FHIT: variants seen among roughly 807,000 people sequenced by gnomAD.
FHIT encodes the protein bis(5'-adenosyl)-triphosphatase.
In FHIT, 19 loss-of-function variants were observed where a neutral mutation model predicts 17.9. The observed-to-expected ratio is 1.06, with a 90% CI of 0.74 to 1.56. The LOEUF (loss-of-function observed/expected upper bound fraction) is 1.56, where lower values mean the gene tolerates loss of function less well. Ranked by LOEUF, FHIT falls within the 40% of genes most tolerant of loss-of-function variation. The probability of loss-of-function intolerance (pLI) is 0.00; values close to 1 mark genes in which losing one functional copy is unlikely to be tolerated. For synonymous variants in FHIT, 81 were observed against 69.7 expected (o/e 1.16, Z -0.81); for missense variants, 248 against 189.2 (o/e 1.31, Z -1.82).
chr3:60,248,226 AC>A (rs533881911), intron 5 of FHIT, among the ~76,000 whole-genome samples: 586 of 152,274 alleles, frequency 3.8e-3, no homozygotes, highest in Non-Finnish European at 6.2e-3. Context: ...TGGTACAAAA[AC>A]CTTCAAAAGC....
chr3:60,162,106 T>A (rs1700965767), intron 5 of FHIT, among the ~76,000 whole-genome samples: 1 of 152,086 alleles, frequency 6.6e-6, no homozygotes, highest in Non-Finnish European at 1.5e-5. Flanking sequence ...TCCAGCTCTG[T>A]GAGGAGACAG....
chr3:60,493,916 AT>A (rs2034177006), intron 5 of FHIT, among the ~76,000 whole-genome samples: 1 of 152,096 alleles, frequency 6.6e-6, no homozygotes, highest in Non-Finnish European at 1.5e-5. Context: ...CTCAGAAAAA[AT>A]CATTTTGGTT....
At chr3:60,242,218 TTAAA>T (rs1295233173) in intron 5 of FHIT, among the ~76,000 whole-genome samples, 1 of 152,172 alleles carries the variant, frequency 6.6e-6, no homozygotes, top group African/African-American at 2.4e-5. Flanking sequence ...TCACATGGTA[TTAAA>T]TAGATTTTTA....
rs926914476 is a variant in FHIT at position 60,582,035 on chromosome 3, G to A, written c.-17-45056C>T. On this transcript the variant is annotated intron_variant, in intron 4 of 9. Transcript: ENST00000492590. ...TTACTTTGTTTAAAAAAACAAAAGT[G>A]TGCTTCAAAACCTAAGGGTCTGAAG... Among the ~76,000 whole-genome samples, 14 of 152,134 alleles carry A rather than the reference G, an allele frequency of 9.2e-5. 1 individual carries two copies. Among genetic ancestry groups the A allele is most frequent in the Middle Eastern group, 6.8e-3 (2 of 294 alleles).
At chr3:61,010,874 G>T (rs2031750595) in intron 3 of FHIT, among the ~76,000 whole-genome samples, 2 of 152,106 alleles carry the variant, frequency 1.3e-5, no homozygotes, top group African/African-American at 4.8e-5. Context: ...GTAAGAGTCA[G>T]AAAAAATATA....
intron 2 of FHIT, among the ~76,000 whole-genome samples, chr3:61,179,008 CTTTTT>C (rs778191387): frequency 3.1e-5 from 4 of 127,620 alleles, no homozygotes; most frequent in African/African-American, 1.2e-4. Flanking sequence ...TTTTCTTTTT[CTTTTT>C]TTTTTTTTTT....
At chr3:60,131,182 T>G (rs1258612756) in intron 5 of FHIT, among the ~76,000 whole-genome samples, 1 of 66 alleles carries the variant, frequency 0.015, no homozygotes, top group African/African-American at 0.042. Flanking sequence ...TTCCCTGATA[T>G]GAATGGTATA....
At chr3:60,564,774 T>C (rs2037074089) in intron 4 of FHIT, among the ~76,000 whole-genome samples, 1 of 152,172 alleles carries the variant, frequency 6.6e-6, no homozygotes, top group Non-Finnish European at 1.5e-5. Flanking sequence ...TTTCTTGAGA[T>C]GAAATCAACT....
intron 1 of FHIT, among the ~76,000 whole-genome samples, chr3:61,207,856 G>C (rs945196385): frequency 6.6e-6 from 1 of 152,088 alleles, no homozygotes; most frequent in African/African-American, 2.4e-5. Flanking sequence ...CTTGCCTTCT[G>C]CTAGTGTTGA....
intron 2 of FHIT, among the ~76,000 whole-genome samples, chr3:61,096,761 T>C (rs556522984): frequency 1.3e-4 from 20 of 152,256 alleles, no homozygotes; most frequent in Admixed American, 1.0e-3. Flanking sequence ...CCAGATGCCA[T>C]CTTTTTCTAA....
intron 2 of FHIT, among the ~76,000 whole-genome samples, chr3:61,132,415 G>C (rs903652019): frequency 6.6e-6 from 1 of 152,202 alleles, no homozygotes; most frequent in East Asian, 1.9e-4. Flanking sequence ...TGGGAAGGAA[G>C]AGATGAGCAC....
intron 4 of FHIT, among the ~76,000 whole-genome samples, chr3:60,679,359 T>G (rs2040694741): frequency 6.6e-6 from 1 of 152,174 alleles, no homozygotes; most frequent in East Asian, 1.9e-4. Flanking sequence ...TGCACCTAAT[T>G]TGAGAATTAC....
chr3:60,966,440 A>T lies in FHIT; in HGVS notation c.-111+75607T>A, dbSNP rs141962806. Among the ~76,000 whole-genome samples, 60 of 152,292 alleles carry T rather than the reference A, an allele frequency of 3.9e-4. 1 individual carries two copies. The Middle Eastern group carries it at 0.024, about 60-fold the overall frequency. ...GGCTCATGCTCCGTGGGCTGCACCC[A>T]CTGTCCGACAAGCCCCAGTGAGATG... On this transcript the variant is annotated intron_variant, in intron 3 of 9. Transcript: ENST00000492590.
At position 61,039,707 on chromosome 3, in the gene FHIT, G is replaced by A. The variant is rs575620269; in HGVS notation, c.-111+2340C>T. 1.1e-4 allele frequency among the ~76,000 whole-genome samples: 17 copies of A among 152,230 alleles called. 1 individual carries two copies. The highest frequency in any genetic ancestry group is 1.0e-3 in the Admixed American group (16 of 15,284). ...ATCACATACCGGGGCCTATTTGAGGGGTAGGAGTCTGCGGGGGTTAGCATT... is the reference window on the plus strand; with the variant it reads ...ATCACATACCGGGGCCTATTTGAGGAGTAGGAGTCTGCGGGGGTTAGCATT... On this transcript the variant is annotated intron_variant, in intron 3 of 9. Transcript: ENST00000492590.
At chr3:60,665,117 T>TA (rs1394659324) in intron 4 of FHIT, among the ~76,000 whole-genome samples, 6 of 152,044 alleles carry the variant, frequency 3.9e-5, no homozygotes, top group African/African-American at 1.4e-4. Flanking sequence ...TTTCATGTTT[T>TA]AGAGATTTTT....
chr3:60,289,318 C>T (rs1204909005), intron 5 of FHIT, among the ~76,000 whole-genome samples: 1 of 152,120 alleles, frequency 6.6e-6, no homozygotes, highest in Non-Finnish European at 1.5e-5. Flanking sequence ...TTTAATGAAT[C>T]TTTAGACCTA....
In FHIT at chr3:60,117,089, G is replaced by C. The variant is rs532398523; in HGVS notation, c.104-102937C>G. ...ATGAACTGAATCCCTGATGTTAATT[G>C]TACAGGCTTACTGGATTAGAACTAG... On this transcript the variant is annotated intron_variant, in intron 5 of 9. Transcript: ENST00000492590. 2.6e-5 allele frequency among the ~76,000 whole-genome samples: 4 copies of C among 152,092 alleles called. No homozygotes were observed. In the East Asian group the frequency reaches 7.7e-4, roughly 29 times the overall value.
chr3:60,195,946 T>C (rs890970243), intron 5 of FHIT, among the ~76,000 whole-genome samples: 2 of 152,096 alleles, frequency 1.3e-5, no homozygotes, highest in African/African-American at 4.8e-5. Flanking sequence ...ACTCAGGTGA[T>C]GCATGCCCTA....
intron 5 of FHIT, among the ~76,000 whole-genome samples, chr3:60,200,904 C>T (rs900477691): frequency 4.6e-5 from 7 of 152,220 alleles, no homozygotes; most frequent in South Asian, 4.1e-4. Context: ...ACCACCCATC[C>T]TTCTGTCCAT....
Sources: gnomAD v4.1 joint callset for allele counts (sites outside exome capture counted in the v4.1 genomes callset) on GRCh38, gnomAD v4.1.1 for gene constraint, MANE v1.5 for transcripts, NCBI Gene and HGNC (gene_info 2026-07-23, HGNC 2026-07-21) for gene names.